Variants in EML6 observed in about 807,000 individuals in gnomAD.
The protein encoded by EML6 is echinoderm microtubule-associated protein-like 6.
EML6 carries 154 observed loss-of-function variants against 240.1 expected under a neutral mutation model. The observed-to-expected ratio is 0.64, with a 90% CI of 0.56 to 0.73. The LOEUF is 0.73. Among genes scored for constraint, EML6 ranks in the 30% least tolerant of loss-of-function variants. The pLI is 0.00. For synonymous variants in EML6, 1,148 were observed against 899.0 expected (o/e 1.28, Z -4.95); for missense variants, 2,964 against 2,474.6 (o/e 1.20, Z -4.20).
intron 7 of EML6, among the ~76,000 whole-genome samples, chr2:54,841,862 G>A (rs1013312016): frequency 6.6e-6 from 1 of 151,922 alleles, no homozygotes; most frequent in Admixed American, 6.6e-5. Context: ...CAAAGTGTTG[G>A]GATTACAGGC....
rs941469857 is a variant in EML6 at position 54,725,342 on chromosome 2, G to C, written c.197+84G>C. 2 of 1,063,980 alleles carry C rather than the reference G, an allele frequency of 1.9e-6. No homozygotes were observed. The highest frequency in any genetic ancestry group is 1.7e-5 in the African/African-American group (1 of 59,614). 65.9% of individuals were successfully genotyped at this position (1,063,980 alleles called of 1,614,324 possible). ...AAGCGGTTGACCTGGGGTCGGATCC[G>C]GGAGCCCCGTGGAATAGAGGATTCT... is the stretch of plus-strand genomic sequence containing the variant. On this transcript the variant is annotated intron_variant, in intron 2 of 41. Transcript: ENST00000356458. The surrounding 1 kb of genome is among the most constrained non-coding windows in gnomAD (Gnocchi z 4.3).
At chr2:54,835,002 C>CCCT (rs1264761056) in intron 7 of EML6, among the ~76,000 whole-genome samples, 1 of 152,208 alleles carries the variant, frequency 6.6e-6, no homozygotes, top group African/African-American at 2.4e-5. Context: ...GCAGCCACCA[C>CCCT]CCTCCGCATT....
At chr2:54,887,688 A>G (rs1672225762) in intron 17 of EML6, among the ~76,000 whole-genome samples, 1 of 152,196 alleles carries the variant, frequency 6.6e-6, no homozygotes, top group African/African-American at 2.4e-5. Flanking sequence ...TATCTGAGGA[A>G]CAGGTCCAGC....
At chr2:54,914,870 C>A (rs1486370361) in intron 25 of EML6, among the ~76,000 whole-genome samples, 70 of 152,028 alleles carry the variant, frequency 4.6e-4, no homozygotes, top group Non-Finnish European at 2.9e-5. Context: ...GTTAAAATGC[C>A]CATTTCAAAT....
chr2:54,844,309 T>C, intron 8 of EML6, 61 bp downstream of exon 8: 1 of 1,339,644 alleles, frequency 7.5e-7, no homozygotes, highest in Admixed American at 2.0e-5. Context: ...TGCCCAAATT[T>C]GCTTATTAAT....
At chr2:54,874,777 T>C (rs1447030056) in intron 16 of EML6, among the ~76,000 whole-genome samples, 1 of 152,196 alleles carries the variant, frequency 6.6e-6, no homozygotes, top group Non-Finnish European at 1.5e-5. Flanking sequence ...CTGTTTGGTT[T>C]AATTTCTATT....
chr2:54,952,823 G>A (rs556925216), intron 31 of EML6, 131 bp downstream of exon 31: 1 of 641,852 alleles, frequency 1.6e-6, no homozygotes, highest in Non-Finnish European at 2.8e-6. Flanking sequence ...TTGATTTTTT[G>A]AGTCCTGAGT....
intron 13 of EML6, among the ~76,000 whole-genome samples, chr2:54,865,207 G>A (rs1440098161): frequency 1.3e-5 from 2 of 152,004 alleles, no homozygotes; most frequent in South Asian, 2.1e-4. Context: ...AATGAAAAGG[G>A]ACCAGGCACA....
At chr2:54,796,734 C>A (rs930480316) in intron 2 of EML6, among the ~76,000 whole-genome samples, 1 of 152,170 alleles carries the variant, frequency 6.6e-6, no homozygotes, top group South Asian at 2.1e-4. Context: ...AAAGCGCCTA[C>A]TTGGGAGAAA....
chr2:54,847,764 T>C lies in EML6; in HGVS notation c.1187+141T>C, dbSNP rs1184105418. On this transcript the variant is annotated intron_variant, in intron 9 of 41. Transcript: ENST00000356458. ...GGAATACTATAGATCTACGATCCCC[T>C]ATCTGTAATTCTGAAGTCCTAACAC... is the stretch of plus-strand genomic sequence containing the variant. The C allele has an allele frequency of 1.3e-5, 12 of 930,398 alleles. No homozygotes were observed. In the East Asian group the frequency reaches 3.2e-4, roughly 25 times the overall value. The allele number at this position is 930,398 out of a possible 1,614,324, so 57.6% of individuals were successfully genotyped here. A position where few individuals can be genotyped will look rare whatever the true frequency, so the allele number is the denominator to read the frequency against.
intron 2 of EML6, among the ~76,000 whole-genome samples, chr2:54,741,457 C>A (rs1026283567): frequency 2.0e-5 from 3 of 151,924 alleles, no homozygotes; most frequent in Non-Finnish European, 4.4e-5. Flanking sequence ...TACACACGCA[C>A]ACACACACAC....
intron 2 of EML6, among the ~76,000 whole-genome samples, chr2:54,727,794 A>G (rs937616731): frequency 2.0e-5 from 3 of 152,194 alleles, no homozygotes; most frequent in African/African-American, 7.2e-5. Flanking sequence ...GCATACATCT[A>G]TACTGCTTTA....
chr2:54,943,250 C>T (rs1372620316), intron 28 of EML6, among the ~76,000 whole-genome samples: 1 of 152,160 alleles, frequency 6.6e-6, no homozygotes, highest in African/African-American at 2.4e-5. Context: ...CACCTTCTTC[C>T]CTCTCTTCTC....
chr2:54,954,177 C>G, intron 32 of EML6, 21 bp downstream of exon 32: 1 of 1,546,818 alleles, frequency 6.5e-7, no homozygotes, highest in Non-Finnish European at 8.7e-7. Context: ...ACTGGGCTTT[C>G]TGTCCCTCCA....
intron 28 of EML6, among the ~76,000 whole-genome samples, chr2:54,941,973 C>G (rs1050263038): frequency 2.0e-5 from 3 of 152,300 alleles, no homozygotes; most frequent in African/African-American, 7.2e-5. Context: ...TTAATCATCT[C>G]CAAGGCCTAT....
intron 26 of EML6, among the ~76,000 whole-genome samples, chr2:54,924,640 C>T (rs1169824900): frequency 6.6e-6 from 1 of 152,202 alleles, no homozygotes; most frequent in Non-Finnish European, 1.5e-5. Context: ...CGGCTCACTG[C>T]AACCTCTGTC....
In EML6 at chr2:54,816,852, ACTT is replaced by A; in HGVS notation, c.426_428del (p.Leu143del). ...GCATTTGGGACTGGAGGAAGGGAAA[ACTT>A]CTGGCGTCAGCCACCGGCCATTCTG... is the stretch of plus-strand genomic sequence containing the variant. On this transcript the variant is annotated inframe_deletion, in exon 4 of 42. Coordinates refer to ENST00000356458, the MANE Select transcript of EML6 (RefSeq NM_001039753.4). 1 of 1,551,504 alleles carries A rather than the reference ACTT, an allele frequency of 6.4e-7. No individual in the cohort carries two copies. The highest frequency in any genetic ancestry group is 2.4e-5 in the East Asian group (1 of 40,906).
intron 22 of EML6, among the ~76,000 whole-genome samples, chr2:54,902,526 G>A (rs570665887): frequency 1.1e-4 from 16 of 152,254 alleles, no homozygotes; most frequent in African/African-American, 2.9e-4. Flanking sequence ...TGCCTCCTGA[G>A]TAGTTGGAAT....
rs145009886 is a variant in EML6, at chr2:54,825,154, G to A, written c.526-2412G>A. 4.2e-3 allele frequency among the ~76,000 whole-genome samples: 632 copies of A among 152,212 alleles called. 7 individuals carry two copies. The highest frequency in any genetic ancestry group is 0.012 in the African/African-American group (518 of 41,528). On this transcript the variant is annotated intron_variant, in intron 5 of 41. Coordinates refer to ENST00000356458, the MANE Select transcript of EML6 (RefSeq NM_001039753.4). ...GAAATATTCAGATAACTCAGACGGG[G>A]GGTGTATATCCAAAGTTAAAGGACA...
Sources: allele counts gnomAD v4.1 joint callset (sites outside exome capture counted in the v4.1 genomes callset), GRCh38; gene constraint gnomAD v4.1.1; non-coding constraint Gnocchi (gnomAD v3.1); transcripts MANE v1.5; gene names NCBI Gene and HGNC (gene_info 2026-07-23, HGNC 2026-07-21).